ADAM29: variants seen among roughly 807,000 people sequenced by gnomAD.
The protein encoded by ADAM29 is disintegrin and metalloproteinase domain-containing protein 29.
For missense variants in ADAM29, 969 were observed against 1,001.8 expected (o/e 0.97, Z 0.44); for synonymous variants, 367 against 342.3 (o/e 1.07, Z -0.80).
At chr4:174,955,918 T>C (rs926887778) in intron 4 of ADAM29, among the ~76,000 whole-genome samples, 2 of 152,044 alleles carry the variant, frequency 1.3e-5, no homozygotes, top group Non-Finnish European at 2.9e-5. Flanking sequence ...GCAATTGAAA[T>C]TAGATATGAT....
intron 2 of ADAM29, among the ~76,000 whole-genome samples, chr4:174,922,073 G>A (rs1342074412): frequency 6.6e-6 from 1 of 152,078 alleles, no homozygotes; most frequent in Non-Finnish European, 1.5e-5. Context: ...TGATGGAAGT[G>A]AATATAAGTA....
chr4:174,919,627 C>T (rs1458663834), intron 1 of ADAM29, among the ~76,000 whole-genome samples: 1 of 152,148 alleles, frequency 6.6e-6, no homozygotes, highest in Non-Finnish European at 1.5e-5. Context: ...CTTTTAGAGG[C>T]TCCCCCTCTT....
chr4:174,957,554 A>G (rs1229961830), intron 4 of ADAM29, among the ~76,000 whole-genome samples: 1 of 151,794 alleles, frequency 6.6e-6, no homozygotes, highest in Non-Finnish European at 1.5e-5. Context: ...TAAGAAATAA[A>G]GAAATCCTAG....
At chr4:174,974,005 A>G (rs763090040) in intron 4 of ADAM29, among the ~76,000 whole-genome samples, 1 of 152,200 alleles carries the variant, frequency 6.6e-6, no homozygotes, top group African/African-American at 2.4e-5. Context: ...TCAGTTAGCT[A>G]GTTACCTGGT....
At chr4:174,934,776 G>A (rs947331062) in intron 3 of ADAM29, among the ~76,000 whole-genome samples, 4 of 152,108 alleles carry the variant, frequency 2.6e-5, no homozygotes, top group African/African-American at 9.7e-5. Context: ...TTCAGGGTCT[G>A]TCAGTCTTTT....
Position 174,978,117 on chromosome 4 carries a change from G to C in ADAM29, c.*129G>C. 1 of 1,446,402 alleles carries C rather than the reference G, an allele frequency of 6.9e-7. No homozygotes were observed. The highest frequency in any genetic ancestry group is 1.3e-5 in the South Asian group (1 of 75,172). The allele number at this position is 1,446,402 out of a possible 1,614,324, so 89.6% of individuals were successfully genotyped here. ...ACCGGAGTAAAAGTGGTAAACAAAA[G>C]CAATCAGTACCAATTCCAAAAACTG... On this transcript the variant is annotated 3_prime_UTR_variant, in exon 5 of 5. Transcript: ENST00000359240.
intron 2 of ADAM29, among the ~76,000 whole-genome samples, chr4:174,922,277 A>G (rs2110890986): frequency 6.6e-6 from 1 of 152,338 alleles, no homozygotes; most frequent in Admixed American, 6.5e-5. Flanking sequence ...TGAATGTTAC[A>G]TACACTCTTT....
intron 4 of ADAM29, among the ~76,000 whole-genome samples, chr4:174,965,536 T>TCA (rs1746110863): frequency 6.6e-6 from 1 of 151,320 alleles, no homozygotes. Context: ...CTATCATCTA[T>TCA]TTACTTACCT....
At chr4:174,924,389 A>T (rs955818583) in intron 2 of ADAM29, among the ~76,000 whole-genome samples, 5 of 152,220 alleles carry the variant, frequency 3.3e-5, no homozygotes, top group African/African-American at 7.2e-5. Context: ...CTAGTTTTGG[A>T]AGACAGCTTG....
intron 4 of ADAM29, among the ~76,000 whole-genome samples, chr4:174,958,809 C>T (rs1023151309): frequency 6.6e-6 from 1 of 151,628 alleles, no homozygotes. Flanking sequence ...TGTAGGTGAA[C>T]TAGGTTTTAT....
intron 4 of ADAM29, among the ~76,000 whole-genome samples, chr4:174,951,607 G>A (rs1383709051): frequency 6.6e-6 from 1 of 152,168 alleles, no homozygotes. Flanking sequence ...AATAGTATGT[G>A]TTAATGTCAT....
intron 1 of ADAM29, among the ~76,000 whole-genome samples, chr4:174,920,083 G>A (rs9994709): frequency 0.016 from 2,479 of 152,166 alleles, 61 homozygotes; most frequent in African/African-American, 0.056. Flanking sequence ...ATGAGCCTGC[G>A]TCATCATGAA....
Position 174,977,641 on chromosome 4 carries a change from A to G in ADAM29, c.2116A>G (p.Lys706Glu). ...TTGTAAAAAAAGTAAACCAATAAAA[A>G]AGCAGCAAGATGTTCAAACTCCATC... is the stretch of plus-strand genomic sequence containing the variant. ...RLCKKSKPIK[K>E]QQDVQTPSAK... The change falls in exon 5 of 5, where the codon AAG (lysine) becomes GAG (glutamate). Residue 706 changes from lysine to glutamate, a missense_variant. Lys to Glu is a moderately conservative substitution (Grantham distance 56). Coordinates refer to ENST00000359240, the MANE Select transcript of ADAM29 (RefSeq NM_014269.4). 1 of 1,614,142 alleles carries G rather than the reference A, an allele frequency of 6.2e-7. No individual in the cohort carries two copies. Among genetic ancestry groups the G allele is most frequent in the Non-Finnish European group, 8.5e-7 (1 of 1,180,026 alleles).
intron 4 of ADAM29, among the ~76,000 whole-genome samples, chr4:174,937,757 G>C (rs6842643): frequency 0.89 from 134,948 of 152,018 alleles, 60,202 homozygotes; most frequent in East Asian, 0.96. Flanking sequence ...TGAAGCAGTT[G>C]CTATTCCTTA....
chr4:174,970,848 T>C (rs1746434985), intron 4 of ADAM29, among the ~76,000 whole-genome samples: 1 of 152,178 alleles, frequency 6.6e-6, no homozygotes, highest in African/African-American at 2.4e-5. Context: ...TCATTTCTGA[T>C]ATTGAGTCTT....
chr4:174,923,645 C>A (rs933971494), intron 2 of ADAM29, among the ~76,000 whole-genome samples: 1 of 149,268 alleles, frequency 6.7e-6, no homozygotes, highest in Non-Finnish European at 1.5e-5. Flanking sequence ...AGAACAACAA[C>A]AAAATCTGAA....
chr4:174,971,977 T>C (rs1212425181), intron 4 of ADAM29, among the ~76,000 whole-genome samples: 1 of 152,196 alleles, frequency 6.6e-6, no homozygotes, highest in Non-Finnish European at 1.5e-5. Flanking sequence ...AGTCCATTGC[T>C]GAAGCTCTCT....
intron 4 of ADAM29, among the ~76,000 whole-genome samples, chr4:174,942,127 T>C (rs1195166907): frequency 6.6e-6 from 1 of 152,220 alleles, no homozygotes; most frequent in Admixed American, 6.5e-5. Flanking sequence ...AGCTCCACCC[T>C]TGTGGCTCTG....
At chr4:174,967,083 T>C (rs768415403) in intron 4 of ADAM29, among the ~76,000 whole-genome samples, 5 of 152,198 alleles carry the variant, frequency 3.3e-5, no homozygotes, top group Non-Finnish European at 7.3e-5. Flanking sequence ...TAAAACTTAT[T>C]GCAGCTTCAC....
Sources: gnomAD v4.1 joint callset for allele counts (sites outside exome capture counted in the v4.1 genomes callset) on GRCh38, gnomAD v4.1.1 for gene constraint, MANE v1.5 for transcripts, NCBI Gene and HGNC (gene_info 2026-07-23, HGNC 2026-07-21) for gene names.